CDH19: variants seen among roughly 807,000 people sequenced by gnomAD.
The protein encoded by CDH19 is cadherin 19, also known as cadherin-19.
CDH19 carries 67 observed loss-of-function variants against 64.2 expected under a neutral mutation model. The ratio of observed to expected loss-of-function variants is 1.04; its 90% CI spans 0.86 to 1.28. The LOEUF (loss-of-function observed/expected upper bound fraction) is 1.28, where lower values mean the gene tolerates loss of function less well. CDH19 is among the 50% of genes most tolerant of loss of function. The pLI is 0.00. For synonymous variants in CDH19, 346 were observed against 319.3 expected (o/e 1.08, Z -0.89); for missense variants, 1,030 against 929.0 (o/e 1.11, Z -1.41).
intron 7 of CDH19, among the ~76,000 whole-genome samples, chr18:66,543,522 T>C (rs1411792445): frequency 1.3e-5 from 2 of 152,164 alleles, no homozygotes. Flanking sequence ...TGAGGTTCCC[T>C]ATTTTGCTTA....
chr18:66,510,930 T>C (rs1437087660), intron 10 of CDH19, among the ~76,000 whole-genome samples: 1 of 151,622 alleles, frequency 6.6e-6, no homozygotes, highest in Non-Finnish European at 1.5e-5. Context: ...ATGAAAAAAT[T>C]AAAACAGAAG....
At chr18:66,593,730 G>T (rs1382949874) in intron 1 of CDH19, among the ~76,000 whole-genome samples, 1 of 151,804 alleles carries the variant, frequency 6.6e-6, no homozygotes, top group African/African-American at 2.4e-5. Context: ...CTTTTATATC[G>T]GCCTTCAATT....
intron 9 of CDH19, among the ~76,000 whole-genome samples, chr18:66,526,223 G>A (rs1986214622): frequency 6.6e-6 from 1 of 152,036 alleles, no homozygotes; most frequent in Non-Finnish European, 1.5e-5. Flanking sequence ...TGTTGAGAAA[G>A]TTCCCTAAGT....
chr18:66,540,145 G>A (rs1455312670), intron 7 of CDH19, among the ~76,000 whole-genome samples: 1 of 151,950 alleles, frequency 6.6e-6, no homozygotes, highest in East Asian at 1.9e-4. Context: ...GCAATATTTT[G>A]AAAGAATCTG....
At chr18:66,597,103 T>A (rs1460582591) in intron 1 of CDH19, among the ~76,000 whole-genome samples, 756 of 39,972 alleles carry the variant, frequency 0.019, 2 homozygotes, top group African/African-American at 0.023. Context: ...AAAAAAAAAA[T>A]CATACTAATG....
intron 9 of CDH19, among the ~76,000 whole-genome samples, chr18:66,519,613 A>T (rs1985893778): frequency 6.6e-6 from 1 of 152,178 alleles, no homozygotes; most frequent in Non-Finnish European, 1.5e-5. Context: ...TTTAGACAAT[A>T]ATCAAGAATA....
At chr18:66,558,176 TA>T (rs1568196683) in intron 3 of CDH19, among the ~76,000 whole-genome samples, 2 of 148,242 alleles carry the variant, frequency 1.3e-5, no homozygotes, top group African/African-American at 4.9e-5. Context: ...TATATATATA[TA>T]TAATATATAT....
At chr18:66,551,741 T>C (rs1050176918) in intron 4 of CDH19, among the ~76,000 whole-genome samples, 4 of 152,052 alleles carry the variant, frequency 2.6e-5, no homozygotes, top group African/African-American at 9.7e-5. Context: ...GACCCAGTTA[T>C]TTTATGTGTG....
intron 5 of CDH19, among the ~76,000 whole-genome samples, chr18:66,548,259 A>G (rs796974928): frequency 2.3e-5 from 1 of 42,634 alleles, no homozygotes; most frequent in Non-Finnish European, 5.6e-5. Context: ...ATATATATAT[A>G]TATTTTTTTA....
chr18:66,537,969 C>T (rs942895429), intron 7 of CDH19, among the ~76,000 whole-genome samples: 1 of 152,046 alleles, frequency 6.6e-6, no homozygotes, highest in Non-Finnish European at 1.5e-5. Context: ...CAGTGTGACA[C>T]CTTCATGTAA....
chr18:66,592,482 T>C (rs961164399), intron 1 of CDH19, among the ~76,000 whole-genome samples: 3 of 151,814 alleles, frequency 2.0e-5, no homozygotes, highest in Non-Finnish European at 4.4e-5. Flanking sequence ...ACGAATTTGT[T>C]CCTCCTCTCT....
intron 5 of CDH19, among the ~76,000 whole-genome samples, chr18:66,545,232 C>T (rs534457383): frequency 6.6e-6 from 1 of 152,134 alleles, no homozygotes; most frequent in East Asian, 1.9e-4. Flanking sequence ...CCTGCCTCGG[C>T]CTCCCAAAGT....
At chr18:66,524,567 T>TAC (rs1986143442) in intron 9 of CDH19, among the ~76,000 whole-genome samples, 1 of 143,000 alleles carries the variant, frequency 7.0e-6, no homozygotes, top group Middle Eastern at 3.5e-3. Context: ...TATATATATA[T>TAC]ATAAACATCA....
intron 7 of CDH19, among the ~76,000 whole-genome samples, chr18:66,537,201 T>C (rs1304952804): frequency 6.6e-6 from 1 of 151,918 alleles, no homozygotes; most frequent in Non-Finnish European, 1.5e-5. Flanking sequence ...TACAATCCAA[T>C]GTAGAATCCA....
At chr18:66,537,182 T>G (rs1986707026) in intron 7 of CDH19, among the ~76,000 whole-genome samples, 5 of 151,976 alleles carry the variant, frequency 3.3e-5, no homozygotes, top group Admixed American at 3.3e-4. Context: ...TCCACTCATA[T>G]TCTTCTTTTA....
Position 66,533,024 on chromosome 18 carries a change from A to G in CDH19, c.1336+1962T>C, listed in dbSNP as rs149839766. Among the ~76,000 whole-genome samples the G allele has an allele frequency of 5.6e-3, 856 of 152,160 alleles. 12 individuals are homozygous for G. The highest frequency in any genetic ancestry group is 0.019 in the African/African-American group (799 of 41,538). ...TTGGCAATCTCTTAGATTTCCTATG[A>G]TGCAGATCACATTGTGTTTTAATGC... On this transcript the variant is annotated intron_variant, in intron 8 of 11. Transcript: ENST00000262150.
chr18:66,592,355 T>G (rs1001459914), intron 1 of CDH19, among the ~76,000 whole-genome samples: 1 of 151,800 alleles, frequency 6.6e-6, no homozygotes, highest in African/African-American at 2.4e-5. Context: ...AACAATCACC[T>G]CAAACATTTA....
Position 66,544,036 on chromosome 18 carries a change from G to A in CDH19, c.1149C>T (p.Thr383=), listed in dbSNP as rs575539013. The change falls in exon 7 of 12, where the codon ACC becomes ACT. Residue 383 remains threonine, a synonymous_variant. Transcript: ENST00000262150. The part of the protein sequence containing the change: ...PYYVFEVFEE[T]PQGSFVGVVS... ...CCACGCCTACAAATGATCCCTGTGG[G>A]GTTTCTTCAAAAACTTCAAATACAT... 12 of 1,613,494 alleles carry A rather than the reference G, an allele frequency of 7.4e-6. No homozygotes were observed. In the African/African-American group the frequency reaches 1.1e-4, roughly 14 times the overall value.
At chr18:66,516,267 A>G (rs1985732194) in intron 9 of CDH19, among the ~76,000 whole-genome samples, 1 of 151,926 alleles carries the variant, frequency 6.6e-6, no homozygotes, top group Non-Finnish European at 1.5e-5. Context: ...CCTTCTGAGG[A>G]CATCCTTAGT....
Sources: gnomAD v4.1 joint callset for allele counts (sites outside exome capture counted in the v4.1 genomes callset) on GRCh38, gnomAD v4.1.1 for gene constraint, MANE v1.5 for transcripts, NCBI Gene and HGNC (gene_info 2026-07-23, HGNC 2026-07-21) for gene names.